The following FIGLA variants were observed in gnomAD, a reference collection of about 807,000 sequenced individuals.
The protein encoded by FIGLA is factor in the germline alpha.
In FIGLA, 17 loss-of-function variants were observed where a neutral mutation model predicts 21.5. The observed-to-expected ratio is 0.79, with a 90% CI of 0.54 to 1.19. The LOEUF is 1.19. Ranked by LOEUF, FIGLA falls within the 50% of genes most tolerant of loss-of-function variation. The pLI is 0.00. For missense variants in FIGLA, 282 were observed against 285.0 expected (o/e 0.99, Z 0.08); for synonymous variants, 129 against 117.6 (o/e 1.10, Z -0.63).
intron 3 of FIGLA, among the ~76,000 whole-genome samples, chr2:70,780,510 G>T (rs1400971897): frequency 6.6e-6 from 1 of 152,130 alleles, no homozygotes; most frequent in African/African-American, 2.4e-5. Context: ...TCAAATAAAG[G>T]TCAGCCTGAG....
chr2:70,780,907 G>A (rs559499003), intron 3 of FIGLA, among the ~76,000 whole-genome samples: 1 of 152,102 alleles, frequency 6.6e-6, no homozygotes, highest in African/African-American at 2.4e-5. Flanking sequence ...ATTCACATGG[G>A]GGGTGTGGTC....
chr2:70,779,549 T>C (rs987817438), intron 3 of FIGLA, among the ~76,000 whole-genome samples: 1 of 152,152 alleles, frequency 6.6e-6, no homozygotes, highest in Admixed American at 6.5e-5. Flanking sequence ...CCCCAGTGAG[T>C]AATTTCACAG....
intron 3 of FIGLA, among the ~76,000 whole-genome samples, chr2:70,778,016 C>T (rs377243339): frequency 6.6e-6 from 1 of 152,198 alleles, no homozygotes; most frequent in Non-Finnish European, 1.5e-5. Context: ...TAAAGCCGCT[C>T]AAGTCATGGT....
At chr2:70,781,610 C>A (rs1553389150) in intron 3 of FIGLA, among the ~76,000 whole-genome samples, 1 of 152,134 alleles carries the variant, frequency 6.6e-6, no homozygotes, top group Non-Finnish European at 1.5e-5. Flanking sequence ...GACTACTCAG[C>A]AAAAAGCAGA....
At chr2:70,779,940 C>T (rs1485981740) in intron 3 of FIGLA, among the ~76,000 whole-genome samples, 1 of 152,172 alleles carries the variant, frequency 6.6e-6, no homozygotes, top group African/African-American at 2.4e-5. Context: ...TCTAGCAATG[C>T]CAACCCCAAT....
rs79211746 is a variant in FIGLA, at chr2:70,777,956, A to G, written c.610-285T>C. The stretch of plus-strand genomic sequence containing the variant: ...GGCAAGATCATTTTGTCTCTGCTCA[A>G]TTTTCTGAAACTCTCAACTTGAAGA... On this transcript the variant is annotated intron_variant, in intron 3 of 4. Transcript: ENST00000332372. Among the ~76,000 whole-genome samples, 6,104 of 152,202 alleles carry G rather than the reference A, an allele frequency of 0.04. 195 individuals are homozygous for G. Among genetic ancestry groups the G allele is most frequent in the African/African-American group, 0.087 (3,599 of 41,512 alleles).
At chr2:70,784,328 C>T (rs1553389553) in intron 3 of FIGLA, among the ~76,000 whole-genome samples, 2 of 152,134 alleles carry the variant, frequency 1.3e-5, no homozygotes, top group Admixed American at 6.5e-5. Flanking sequence ...ACCTGTGGCT[C>T]ATTATTGCTC....
chr2:70,781,116 G>C (rs1675848517), intron 3 of FIGLA, among the ~76,000 whole-genome samples: 1 of 152,166 alleles, frequency 6.6e-6, no homozygotes. Flanking sequence ...AGGGAGAGGA[G>C]GAATCCACAT....
chr2:70,785,642 G>A lies in FIGLA; in HGVS notation c.385-3C>T. The stretch of plus-strand genomic sequence containing the variant: ...CTCTGCTCATCTGGGTCTTGTTTCT[G>A]GAAACCATATTTAGTTGTCAAACAG... On this transcript the variant is annotated splice_region_variant and splice_polypyrimidine_tract_variant and intron_variant, in intron 2 of 4. Coordinates refer to ENST00000332372, the MANE Select transcript of FIGLA (RefSeq NM_001004311.3). 1 of 1,608,610 alleles carries A rather than the reference G, an allele frequency of 6.2e-7. No homozygotes were observed. The highest frequency in any genetic ancestry group is 8.5e-7 in the Non-Finnish European group (1 of 1,175,202).
chr2:70,785,313 CT>C (rs1675926379), intron 3 of FIGLA, 101 bp downstream of exon 3: 1 of 1,013,888 alleles, frequency 9.9e-7, no homozygotes, highest in South Asian at 1.6e-5. Context: ...ATTAAATTAT[CT>C]TGTTTTAATC....
At chr2:70,788,131 T>C (rs1553390318) in intron 1 of FIGLA, among the ~76,000 whole-genome samples, 1 of 152,212 alleles carries the variant, frequency 6.6e-6, no homozygotes, top group East Asian at 1.9e-4. Context: ...TACACCCAGG[T>C]TTAAAATCCA....
intron 2 of FIGLA, 104 bp downstream of exon 2, chr2:70,787,545 A>T (rs1553390195): frequency 8.3e-7 from 1 of 1,204,330 alleles, no homozygotes; most frequent in Non-Finnish European, 1.2e-6. Context: ...GAGGTTATAA[A>T]CCTTAAGTGG....
chr2:70,790,344 G>C, intron 1 of FIGLA, 64 bp downstream of exon 1: 1 of 1,439,384 alleles, frequency 6.9e-7, no homozygotes, highest in Non-Finnish European at 9.2e-7. Flanking sequence ...CCCGGGTGTT[G>C]ACCAGGTGTT....
chr2:70,790,432 C>T lies in FIGLA; in HGVS notation c.207G>A (p.Val69=), dbSNP rs782545480. 7.1e-6 allele frequency: 11 copies of T among 1,541,730 alleles called. 1 individual carries two copies. The South Asian group carries it at 1.1e-4, about 15-fold the overall frequency. ...NLQLVLERRR[V]ANAKERERIK... ...CCCGCTCACGCTCCTTGGCGTTGGCCACACGCCGCCGCTCCAGCACCAACT... is the reference window on the plus strand; with the variant it reads ...CCCGCTCACGCTCCTTGGCGTTGGCTACACGCCGCCGCTCCAGCACCAACT... Residue 69 remains valine (V), a synonymous_variant, in exon 1 of 5, where the codon GTG becomes GTA. Transcript: ENST00000332372.
intron 3 of FIGLA, among the ~76,000 whole-genome samples, chr2:70,782,315 G>A (rs1292668843): frequency 6.6e-6 from 1 of 152,162 alleles, no homozygotes; most frequent in Non-Finnish European, 1.5e-5. Flanking sequence ...TATTCCTGCC[G>A]ACGATGCATA....
At chr2:70,785,321 AATC>A in intron 3 of FIGLA, 91 bp downstream of exon 3, 1 of 1,056,146 alleles carries the variant, frequency 9.5e-7, no homozygotes, top group Non-Finnish European at 1.4e-6. Context: ...ATCTTGTTTT[AATC>A]ATGTTTTAGC....
intron 3 of FIGLA, among the ~76,000 whole-genome samples, chr2:70,784,856 C>G (rs1675915764): frequency 6.6e-6 from 1 of 151,626 alleles, no homozygotes; most frequent in Non-Finnish European, 1.5e-5. Context: ...TTCCAGCTGT[C>G]TCTTTAGTTG....
chr2:70,784,232 A>AGGAAGCC (rs1338073386), intron 3 of FIGLA, among the ~76,000 whole-genome samples: 2 of 151,936 alleles, frequency 1.3e-5, no homozygotes, highest in African/African-American at 4.8e-5. Flanking sequence ...ACCAGCCAGC[A>AGGAAGCC]GGAAGCCTGT....
chr2:70,787,839 C>T, intron 1 of FIGLA, 38 bp from the exon 2 acceptor site: 1 of 1,600,928 alleles, frequency 6.2e-7, no homozygotes, highest in Non-Finnish European at 8.5e-7. Context: ...ACAGAGAAGC[C>T]AATTTGTATA....
Sources: allele counts gnomAD v4.1 joint callset (sites outside exome capture counted in the v4.1 genomes callset), GRCh38; gene constraint gnomAD v4.1.1; transcripts MANE v1.5; gene names NCBI Gene and HGNC (gene_info 2026-07-23, HGNC 2026-07-21).